CLTC: variants seen among roughly 807,000 people sequenced by gnomAD.
CLTC encodes clathrin heavy chain 1.
A neutral mutation model predicts 195.8 loss-of-function variants in CLTC; 16 were observed. That is an observed-to-expected ratio of 0.08 (90% CI 0.06 to 0.12). The LOEUF is 0.12. CLTC is among the 10% of genes least tolerant of loss of function. CLTC has a pLI of 1.00. For synonymous variants in CLTC, 667 were observed against 689.4 expected, an observed-to-expected ratio of 0.97 and a Z score of 0.51; for missense variants, 796 against 2,027.0, an observed-to-expected ratio of 0.39 and a Z score of 11.66.
At chr17:59,645,380 G>A (rs1319568023) in intron 2 of CLTC, among the ~76,000 whole-genome samples, 4 of 152,102 alleles carry the variant, frequency 2.6e-5, no homozygotes, top group Non-Finnish European at 5.9e-5. Context: ...TCCCAACAAG[G>A]GAACTGTGCA....
intron 1 of CLTC, among the ~76,000 whole-genome samples, chr17:59,626,826 G>A (rs2031567506): frequency 6.6e-6 from 1 of 152,174 alleles, no homozygotes; most frequent in Non-Finnish European, 1.5e-5. Context: ...AAACCCATCT[G>A]TCAGACTTTT....
At chr17:59,668,321 C>T (rs1438414328) in intron 13 of CLTC, among the ~76,000 whole-genome samples, 2 of 152,178 alleles carry the variant, frequency 1.3e-5, no homozygotes, top group East Asian at 3.9e-4. Flanking sequence ...CTTTGGGAGG[C>T]CAAGTGCTTG....
chr17:59,658,097 G>A (rs1270208898), intron 6 of CLTC, among the ~76,000 whole-genome samples: 3 of 152,060 alleles, frequency 2.0e-5, no homozygotes, highest in Non-Finnish European at 4.4e-5. Context: ...TAGCTACTTG[G>A]GAGGCTGAGA....
chr17:59,647,690 T>A, intron 3 of CLTC, 24 bp downstream of exon 3: 1 of 1,599,804 alleles, frequency 6.3e-7, no homozygotes, highest in Non-Finnish European at 8.6e-7. Flanking sequence ...TATTTTTTTA[T>A]GAAGAAGAGG....
intron 1 of CLTC, among the ~76,000 whole-genome samples, chr17:59,621,543 G>T (rs1382277402): frequency 6.6e-6 from 1 of 152,102 alleles, no homozygotes; most frequent in African/African-American, 2.4e-5. Context: ...ATATTTCTTT[G>T]CAAGTATTAC....
Position 59,690,617 on chromosome 17 carries a change from A to G in CLTC, c.4828-19A>G. The G allele has an allele frequency of 8.8e-6, 14 of 1,588,362 alleles. No individual in the cohort carries two copies. The highest frequency in any genetic ancestry group is 1.1e-5 in the Non-Finnish European group (13 of 1,159,664). On this transcript the variant is annotated intron_variant, in intron 30 of 31. Coordinates refer to ENST00000269122, the MANE Select transcript of CLTC (RefSeq NM_004859.4). ...TAATACTTTTGGGGTGCTAATTAAC[A>G]TGATGTGTTTTTCTCCAGGTGGATA...
chr17:59,662,864 A>T (rs2032641163), intron 8 of CLTC, among the ~76,000 whole-genome samples: 1 of 152,176 alleles, frequency 6.6e-6, no homozygotes, highest in African/African-American at 2.4e-5. Flanking sequence ...CACTTGATGC[A>T]AAGAGTTTGA....
Position 59,647,682 on chromosome 17 carries a change from T to G in CLTC, c.519+16T>G, listed in dbSNP as rs8071749. On this transcript the variant is annotated intron_variant, in intron 3 of 31. Coordinates refer to ENST00000269122, the MANE Select transcript of CLTC (RefSeq NM_004859.4). ...ATCTGCACAGGTAACATTTTAACTATTTTTTTATGAAGAAGAGGTTTAGAA... is the reference window on the plus strand; with the variant it reads ...ATCTGCACAGGTAACATTTTAACTAGTTTTTTATGAAGAAGAGGTTTAGAA... 1,378,170 of 1,604,776 alleles carry G rather than the reference T, an allele frequency of 0.86. 592,655 individuals carry two copies. Among genetic ancestry groups the G allele is most frequent in the East Asian group, 0.95 (42,647 of 44,776 alleles).
At chr17:59,642,453 C>T (rs1200773638) in intron 1 of CLTC, among the ~76,000 whole-genome samples, 1 of 152,080 alleles carries the variant, frequency 6.6e-6, no homozygotes, top group Non-Finnish European at 1.5e-5. Context: ...TAACTTACTG[C>T]TTTTAGGTAT....
chr17:59,641,797 T>C (rs1414394123), intron 1 of CLTC, among the ~76,000 whole-genome samples: 1 of 152,016 alleles, frequency 6.6e-6, no homozygotes, highest in African/African-American at 2.4e-5. Context: ...AAGGATTACA[T>C]AGATTAGGGT....
intron 1 of CLTC, among the ~76,000 whole-genome samples, chr17:59,642,678 A>G (rs963497971): frequency 1.2e-4 from 18 of 152,312 alleles, no homozygotes; most frequent in African/African-American, 4.3e-4. Flanking sequence ...ACATACTTTA[A>G]AGCTAGTGTA....
At chr17:59,653,897 C>T (rs376540212) in intron 5 of CLTC, among the ~76,000 whole-genome samples, 3 of 151,632 alleles carry the variant, frequency 2.0e-5, no homozygotes, top group Non-Finnish European at 2.9e-5. Flanking sequence ...CTCAGCCTCC[C>T]GAGTAGCTGG....
At chr17:59,623,808 T>G (rs2031460005) in intron 1 of CLTC, among the ~76,000 whole-genome samples, 1 of 152,254 alleles carries the variant, frequency 6.6e-6, no homozygotes, top group Non-Finnish European at 1.5e-5. Context: ...CATAGGGATA[T>G]TGAGCACTTG....
At chr17:59,657,304 C>T (rs1026731203) in intron 6 of CLTC, among the ~76,000 whole-genome samples, 2 of 152,102 alleles carry the variant, frequency 1.3e-5, no homozygotes, top group Admixed American at 6.6e-5. Flanking sequence ...TAACATTTAC[C>T]ATACTTATTA....
intron 1 of CLTC, among the ~76,000 whole-genome samples, chr17:59,643,526 G>A (rs1419521560): frequency 2.0e-5 from 3 of 152,072 alleles, no homozygotes; most frequent in Non-Finnish European, 4.4e-5. Context: ...AATAAACTCA[G>A]GATTCTTACT....
At chr17:59,627,778 A>G (rs2031596678) in intron 1 of CLTC, among the ~76,000 whole-genome samples, 1 of 152,238 alleles carries the variant, frequency 6.6e-6, no homozygotes, top group Non-Finnish European at 1.5e-5. Flanking sequence ...CATCCCTCTC[A>G]TAAGACTGAA....
At chr17:59,672,669 T>A (rs547913824) in intron 14 of CLTC, among the ~76,000 whole-genome samples, 1 of 152,074 alleles carries the variant, frequency 6.6e-6, no homozygotes, top group Non-Finnish European at 1.5e-5. Flanking sequence ...AAATTAAGAT[T>A]TACCTTGGTG....
In CLTC at chr17:59,681,537, A is replaced by G. The variant is rs76098207; in HGVS notation, c.3249+59A>G. 6.1e-4 allele frequency: 964 copies of G among 1,586,170 alleles called. 5 individuals are homozygous for G. In the African/African-American group the frequency reaches 0.012, roughly 20 times the overall value. On this transcript the variant is annotated intron_variant, in intron 20 of 31. Transcript: ENST00000269122. This position sits in a 1 kb window ranked among gnomAD's most constrained non-coding sequence, Gnocchi z 5.0. The stretch of plus-strand genomic sequence containing the variant: ...AACACTGTGCTATGAGGGTGGGCCT[A>G]ATTGGTTGCTACGGCAATAGAGCAG...
At chr17:59,629,685 T>C (rs2031655858) in intron 1 of CLTC, among the ~76,000 whole-genome samples, 1 of 151,858 alleles carries the variant, frequency 6.6e-6, no homozygotes, top group African/African-American at 2.4e-5. Flanking sequence ...CATGCCTGGC[T>C]GATTTTTGTA....
Sources: gnomAD v4.1 joint callset for allele counts (sites outside exome capture counted in the v4.1 genomes callset) on GRCh38, gnomAD v4.1.1 for gene constraint, Gnocchi (gnomAD v3.1) non-coding constraint, MANE v1.5 for transcripts, NCBI Gene and HGNC (gene_info 2026-07-23, HGNC 2026-07-21) for gene names.